The following UPF1 variants were observed in gnomAD, a reference collection of about 807,000 sequenced individuals.
The protein encoded by UPF1 is regulator of nonsense transcripts 1.
In UPF1, 9 loss-of-function variants were observed where a neutral mutation model predicts 129.2. That is an observed-to-expected ratio of 0.07 (90% CI 0.04 to 0.12). UPF1 has a LOEUF of 0.12. UPF1 is among the 10% of genes least tolerant of loss of function. The pLI is 1.00. For synonymous variants in UPF1, 649 were observed against 644.9 expected (o/e 1.01, Z -0.10); for missense variants, 788 against 1,525.3 (o/e 0.52, Z 8.05).
In UPF1 at chr19:18,852,281, G is replaced by A. The variant is rs997734242; in HGVS notation, c.957G>A (p.Lys319=). The A allele has an allele frequency of 6.8e-6, 11 of 1,613,516 alleles. No homozygotes were observed. In the Admixed American group the frequency reaches 1.5e-4, roughly 22 times the overall value. Residue 319 remains lysine (K), a synonymous_variant, in exon 6 of 24, where the codon AAG becomes AAA. Transcript: ENST00000262803. ...LVKLEADYDK[K]LKESQTQDNI... ...AGCTGGAGGCCGACTACGACAAGAA[G>A]CTGAAGGAGTCCCAGGTGATGTGTG...
intron 15 of UPF1, 45 bp downstream of exon 15, chr19:18,857,578 C>T (rs371514075): frequency 5.2e-6 from 8 of 1,528,932 alleles, no homozygotes; most frequent in Non-Finnish European, 6.2e-6. Context: ...AGAGAAGCGG[C>T]ATCAAGGGAA....
chr19:18,849,946 TG>T, intron 3 of UPF1, 128 bp from the exon 4 acceptor site: 1 of 1,167,534 alleles, frequency 8.6e-7, no homozygotes, highest in Non-Finnish European at 1.2e-6. Flanking sequence ...AGATGCCAGA[TG>T]GATGAGGTGT....
Position 18,864,300 on chromosome 19 carries a change from G to T in UPF1, c.2857+49G>T, listed in dbSNP as rs1246600702. On this transcript the variant is annotated intron_variant, in intron 20 of 23. Coordinates refer to ENST00000262803, the MANE Select transcript of UPF1 (RefSeq NM_002911.4). ...GGCCGACCCCTTGTCCTCACACCGG[G>T]ATGCTGGCCGTTCCCATGGCTGCAG... 8 of 1,527,324 alleles carry T rather than the reference G, an allele frequency of 5.2e-6. No individual in the cohort carries two copies. The Admixed American group carries it at 1.2e-4, about 23-fold the overall frequency. 94.6% of individuals were successfully genotyped at this position (1,527,324 alleles called of 1,614,324 possible).
chr19:18,862,139 C>T lies in UPF1; in HGVS notation c.2587C>T (p.Leu863=), dbSNP rs2055787283. The T allele has an allele frequency of 6.2e-7, 1 of 1,613,888 alleles. No homozygotes were observed. Residue 863 remains leucine (L), a synonymous_variant, in exon 18 of 24, where the codon CTG becomes TTG. Transcript: ENST00000262803. The stretch of plus-strand genomic sequence containing the variant: ...TGACCCCAGGCGTCTGAACGTGGCC[C>T]TGACCAGAGCAAGGTAGGGAGGCTG... The part of the protein sequence containing the change: ...LNDPRRLNVA[L]TRARYGVIIV...
intron 2 of UPF1, 105 bp downstream of exon 2, chr19:18,846,224 G>T: frequency 2.7e-6 from 4 of 1,504,194 alleles, no homozygotes; most frequent in Non-Finnish European, 3.6e-6. Context: ...CCCTTGTGCT[G>T]TGACTCTGGG....
Position 18,832,775 on chromosome 19 carries a change from G to A in UPF1, c.231+335G>A, listed in dbSNP as rs2055442228. Among the ~76,000 whole-genome samples the A allele has an allele frequency of 6.6e-6, 1 of 152,000 alleles. No homozygotes were observed. The highest frequency in any genetic ancestry group is 6.5e-5 in the Admixed American group (1 of 15,268). On this transcript the variant is annotated intron_variant, in intron 1 of 23. Coordinates refer to ENST00000262803, the MANE Select transcript of UPF1 (RefSeq NM_002911.4). The surrounding 1 kb of genome is among the most constrained non-coding windows in gnomAD (Gnocchi z 5.6). ...AGCTAACCTGACCCTGTTCCTTTAC[G>A]CCAGCTGGGTTTGCTCCCCCTCCTG... is the stretch of plus-strand genomic sequence containing the variant.
At position 18,837,884 on chromosome 19, in the gene UPF1, G is replaced by A. The variant is rs1031729404; in HGVS notation, c.231+5444G>A. 2.6e-5 allele frequency among the ~76,000 whole-genome samples: 4 copies of A among 152,296 alleles called. No homozygotes were observed. The South Asian group carries it at 8.3e-4, about 32-fold the overall frequency. ...GAAAAACATGCTGTCTTTCTGGATC[G>A]TAAGGGACAACTAGCTAAAGCTCCT... On this transcript the variant is annotated intron_variant, in intron 1 of 23. Transcript: ENST00000262803.
At chr19:18,863,796 T>C (rs1220715250) in intron 19 of UPF1, among the ~76,000 whole-genome samples, 184 bp downstream of exon 19, 1 of 151,962 alleles carries the variant, frequency 6.6e-6, no homozygotes, top group African/African-American at 2.4e-5. Flanking sequence ...TGTGGCATTT[T>C]TGGCTTGGGG....
At chr19:18,856,445 G>A in intron 13 of UPF1, 145 bp downstream of exon 13, 1 of 775,552 alleles carries the variant, frequency 1.3e-6, no homozygotes, top group Non-Finnish European at 2.0e-6. Flanking sequence ...GCGCTCAGTT[G>A]TACAGTAAAT....
intron 1 of UPF1, among the ~76,000 whole-genome samples, chr19:18,837,311 A>T (rs192418547): frequency 6.6e-6 from 1 of 150,968 alleles, no homozygotes; most frequent in Admixed American, 6.6e-5. Context: ...CTGGTCTTGA[A>T]CTCCTGGGCT....
chr19:18,836,974 G>A (rs2055490340), intron 1 of UPF1, among the ~76,000 whole-genome samples: 1 of 151,854 alleles, frequency 6.6e-6, no homozygotes, highest in East Asian at 1.9e-4. Context: ...GGATGGTCTT[G>A]ATCTCCTGAC....
chr19:18,850,436 CTCT>C lies in UPF1; in HGVS notation c.629+196_629+198del, dbSNP rs527652100. On this transcript the variant is annotated intron_variant, in intron 4 of 23. Coordinates refer to ENST00000262803, the MANE Select transcript of UPF1 (RefSeq NM_002911.4). This position sits in a 1 kb window ranked among gnomAD's most constrained non-coding sequence, Gnocchi z 7.1. Reference sequence around the variant, plus strand: ...TTAAGGAGTCGGCAGTGCCGTGTAACTCTTTTGGGGCGTTCTGGCTAAGTCATA... The same window carrying C: ...TTAAGGAGTCGGCAGTGCCGTGTAACTTTGGGGCGTTCTGGCTAAGTCATA... 1.1e-4 allele frequency among the ~76,000 whole-genome samples: 16 copies of C among 152,352 alleles called. No individual in the cohort carries two copies. In the South Asian group the frequency reaches 2.7e-3, roughly 26 times the overall value.
intron 15 of UPF1, among the ~76,000 whole-genome samples, chr19:18,858,137 T>G (rs1358333245): frequency 1.3e-5 from 2 of 152,156 alleles, no homozygotes; most frequent in Admixed American, 6.5e-5. Context: ...TCGTGACACC[T>G]TTGGGTATGC....
chr19:18,833,566 T>TG (rs1348123967), intron 1 of UPF1, among the ~76,000 whole-genome samples: 14 of 101,496 alleles, frequency 1.4e-4, no homozygotes, highest in South Asian at 6.5e-4. Context: ...GGAGAGGGGC[T>TG]GGGGGGGTGG....
In UPF1 at chr19:18,852,118, GTGT is replaced by G. The variant is rs777252011; in HGVS notation, c.811-10_811-8del. ...GGAAAAACAGGACGAGTGTGGCGCG[GTGT>G]TGTTGTCTTCTAGGAAAACCCTTCT... On this transcript the variant is annotated splice_polypyrimidine_tract_variant and intron_variant, in intron 5 of 23. Transcript: ENST00000262803. 1.8e-5 allele frequency: 28 copies of G among 1,596,988 alleles called. No individual in the cohort carries two copies. The Middle Eastern group carries it at 1.1e-3, about 61-fold the overall frequency.
Position 18,866,285 on chromosome 19 carries a change from TGGGGGTCATA to T in UPF1, c.*3+122_*3+131del, listed in dbSNP as rs1217435257. The T allele has an allele frequency of 5.0e-6, 7 of 1,399,240 alleles. No individual in the cohort carries two copies. The East Asian group carries it at 1.8e-4, about 36-fold the overall frequency. 86.7% of individuals were successfully genotyped at this position (1,399,240 alleles called of 1,614,324 possible). On this transcript the variant is annotated intron_variant, in intron 23 of 23. Transcript: ENST00000262803. ...ATCTGGAAATGTGTGCTGTGCCTGGTGGGGGTCATAGGCCCTCAGGGCCAGCTTGGCCTGT... is the reference window on the plus strand; with the variant it reads ...ATCTGGAAATGTGTGCTGTGCCTGGTGGCCCTCAGGGCCAGCTTGGCCTGT...
At chr19:18,847,228 C>T (rs2055610306) in intron 2 of UPF1, among the ~76,000 whole-genome samples, 1 of 152,206 alleles carries the variant, frequency 6.6e-6, no homozygotes, top group Non-Finnish European at 1.5e-5. Flanking sequence ...CTCTGGGGAG[C>T]TAGTATTTTT....
At chr19:18,835,534 G>A (rs1266278649) in intron 1 of UPF1, among the ~76,000 whole-genome samples, 1 of 152,118 alleles carries the variant, frequency 6.6e-6, no homozygotes, top group African/African-American at 2.4e-5. Context: ...GTAGAGACGG[G>A]GTTTCACCAT....
At position 18,865,066 on chromosome 19, in the gene UPF1, C is replaced by CA. The variant is rs1403047885; in HGVS notation, c.2858-221dup. Among the ~76,000 whole-genome samples, 2 of 152,200 alleles carry CA rather than the reference C, an allele frequency of 1.3e-5. No individual in the cohort carries two copies. The highest frequency in any genetic ancestry group is 4.8e-5 in the African/African-American group (2 of 41,452). ...TTCAGTTTTTAAGATCTGTGTAGGC[C>CA]AATGATTCCCAGCAGACTCTCCTCG... On this transcript the variant is annotated intron_variant, in intron 20 of 23. Transcript: ENST00000262803. This position sits in a 1 kb window ranked among gnomAD's most constrained non-coding sequence, Gnocchi z 6.1.
Sources: allele counts gnomAD v4.1 joint callset (sites outside exome capture counted in the v4.1 genomes callset), GRCh38; gene constraint gnomAD v4.1.1; non-coding constraint Gnocchi (gnomAD v3.1); transcripts MANE v1.5; gene names NCBI Gene and HGNC (gene_info 2026-07-23, HGNC 2026-07-21).